MAN1A1: variants seen among roughly 807,000 people sequenced by gnomAD.
MAN1A1 encodes the protein mannosidase alpha class 1A member 1, also known as mannosyl-oligosaccharide 1,2-alpha-mannosidase IA.
Under a neutral mutation model 70.8 loss-of-function variants are expected in MAN1A1, and 29 were observed. The observed-to-expected ratio is 0.41, with a 90% CI of 0.31 to 0.56. The LOEUF is 0.56. MAN1A1 is among the 20% of genes least tolerant of loss of function. The probability of loss-of-function intolerance (pLI) is 0.29; values close to 1 mark genes in which losing one functional copy is unlikely to be tolerated. For missense variants in MAN1A1, 747 were observed against 841.3 expected (o/e 0.89, Z 1.39); for synonymous variants, 349 against 330.1 (o/e 1.06, Z -0.62).
chr6:119,285,740 T>C (rs570977798), intron 5 of MAN1A1, among the ~76,000 whole-genome samples: 1 of 152,300 alleles, frequency 6.6e-6, no homozygotes, highest in African/African-American at 2.4e-5. Flanking sequence ...TCAATTTTTA[T>C]AATTTAGTAT....
At chr6:119,290,246 C>A (rs900941984) in intron 5 of MAN1A1, among the ~76,000 whole-genome samples, 3 of 151,956 alleles carry the variant, frequency 2.0e-5, no homozygotes, top group African/African-American at 7.2e-5. Context: ...TGTCTCACCC[C>A]CTTAATTACA....
rs370790476 is a variant in MAN1A1 at position 119,282,573 on chromosome 6, A to C, written c.897+8110T>G. ...TTATAAACATAATAAGCAAAATTAC[A>C]ATTCTCTGTTTTACTGAATTAAACT... On this transcript the variant is annotated intron_variant, in intron 5 of 12. Transcript: ENST00000368468. Among the ~76,000 whole-genome samples the C allele has an allele frequency of 1.9e-3, 291 of 152,324 alleles. 3 individuals are homozygous for C. Among genetic ancestry groups the C allele is most frequent in the African/African-American group, 6.6e-3 (276 of 41,590 alleles).
chr6:119,336,931 A>G (rs923561292), intron 2 of MAN1A1, among the ~76,000 whole-genome samples: 6 of 152,134 alleles, frequency 3.9e-5, no homozygotes, highest in Admixed American at 3.3e-4. Context: ...TGAAGACTCT[A>G]CCTACTTTAA....
chr6:119,346,558 T>G (rs182647706), intron 2 of MAN1A1, among the ~76,000 whole-genome samples: 133 of 152,280 alleles, frequency 8.7e-4, no homozygotes, highest in African/African-American at 3.1e-3. Flanking sequence ...TAAATCTCGT[T>G]TACACGGTTA....
At chr6:119,308,157 G>A (rs1772583271) in intron 2 of MAN1A1, among the ~76,000 whole-genome samples, 1 of 152,238 alleles carries the variant, frequency 6.6e-6, no homozygotes, top group Middle Eastern at 3.4e-3. Context: ...TGAAGAAACT[G>A]AGGTTTGGAA....
At chr6:119,326,110 C>T (rs905195748) in intron 2 of MAN1A1, among the ~76,000 whole-genome samples, 2 of 152,130 alleles carry the variant, frequency 1.3e-5, no homozygotes, top group South Asian at 2.1e-4. Context: ...ACTCAGGGGC[C>T]GTAGATAGGT....
intron 5 of MAN1A1, among the ~76,000 whole-genome samples, chr6:119,278,977 TA>T (rs1776155852): frequency 1.7e-4 from 26 of 152,118 alleles, no homozygotes; most frequent in Admixed American, 4.6e-4. Context: ...CTCTCTTCTT[TA>T]TAAATTACCC....
chr6:119,239,121 G>T (rs1027377896), intron 6 of MAN1A1, among the ~76,000 whole-genome samples: 1 of 151,788 alleles, frequency 6.6e-6, no homozygotes, highest in Admixed American at 6.6e-5. Context: ...CTCGTGATCC[G>T]CCCGCCTCAG....
intron 2 of MAN1A1, among the ~76,000 whole-genome samples, chr6:119,343,861 G>A (rs1259127649): frequency 6.6e-6 from 1 of 152,178 alleles, no homozygotes; most frequent in Non-Finnish European, 1.5e-5. Flanking sequence ...ACTGGGTTAG[G>A]AGGTATAACC....
chr6:119,282,670 T>A (rs533732305), intron 5 of MAN1A1, among the ~76,000 whole-genome samples: 1 of 152,276 alleles, frequency 6.6e-6, no homozygotes, highest in East Asian at 1.9e-4. Flanking sequence ...TGCCAAATAG[T>A]AAATTAACAT....
rs1199056293 is a variant in MAN1A1, at chr6:119,177,810, C to T, written c.*2009G>A. 1 of 152,062 alleles carries T rather than the reference C, an allele frequency of 6.6e-6. No homozygotes were observed. The highest frequency in any genetic ancestry group is 1.5e-5 in the Non-Finnish European group (1 of 67,950). 9.4% of individuals were successfully genotyped at this position (152,062 alleles called of 1,614,324 possible). On this transcript the variant is annotated 3_prime_UTR_variant, in exon 13 of 13. Transcript: ENST00000368468. Reference sequence around the variant, plus strand: ...GGTACCTCATAGTGCAGTGTGTACACACAACCTGATTTTAATATTCTATCT... The same window carrying T: ...GGTACCTCATAGTGCAGTGTGTACATACAACCTGATTTTAATATTCTATCT...
At chr6:119,249,953 T>C (rs141144774) in intron 5 of MAN1A1, among the ~76,000 whole-genome samples, 10 of 152,268 alleles carry the variant, frequency 6.6e-5, no homozygotes, top group African/African-American at 2.4e-4. Context: ...TGTATACAAA[T>C]AAGGAAATAC....
intron 6 of MAN1A1, among the ~76,000 whole-genome samples, chr6:119,242,932 G>T (rs1268428247): frequency 6.6e-6 from 1 of 151,936 alleles, no homozygotes. Flanking sequence ...AATTAAAATA[G>T]ATAAAAGAGG....
chr6:119,265,102 A>AT (rs5879494), intron 5 of MAN1A1, among the ~76,000 whole-genome samples: 45,954 of 141,428 alleles, frequency 0.32, 7,589 homozygotes, highest in Non-Finnish European at 0.35. Flanking sequence ...CCTTTTTTAA[A>AT]TTTTTTTTTT....
intron 5 of MAN1A1, among the ~76,000 whole-genome samples, chr6:119,277,647 C>T (rs1324289475): frequency 6.6e-6 from 1 of 151,692 alleles, no homozygotes; most frequent in Non-Finnish European, 1.5e-5. Context: ...AATGGTGAGG[C>T]CTTATCTCTA....
rs146891638 is a variant in MAN1A1, at chr6:119,314,526, G to C, written c.604-7534C>G. Among the ~76,000 whole-genome samples, 17 of 152,260 alleles carry C rather than the reference G, an allele frequency of 1.1e-4. 1 individual carries two copies. The East Asian group carries it at 2.9e-3, about 26-fold the overall frequency. On this transcript the variant is annotated intron_variant, in intron 2 of 12. Transcript: ENST00000368468. ...ATCCCTGTTTTACATATGAAGCTGAGGCCCAAGGTAGTGTAGAGAAGAGCA... is the reference window on the plus strand; with the variant it reads ...ATCCCTGTTTTACATATGAAGCTGACGCCCAAGGTAGTGTAGAGAAGAGCA...
At chr6:119,272,163 T>G (rs987376094) in intron 5 of MAN1A1, among the ~76,000 whole-genome samples, 1 of 152,190 alleles carries the variant, frequency 6.6e-6, no homozygotes, top group Admixed American at 6.5e-5. Context: ...AAAAATAAAG[T>G]AAAATATTAC....
chr6:119,205,572 T>C (rs991926484), intron 6 of MAN1A1, among the ~76,000 whole-genome samples: 3 of 152,210 alleles, frequency 2.0e-5, no homozygotes, highest in African/African-American at 7.2e-5. Flanking sequence ...ATGGCCTTTC[T>C]TGGAGAAATG....
intron 5 of MAN1A1, among the ~76,000 whole-genome samples, chr6:119,282,455 C>G (rs1198409240): frequency 6.6e-6 from 1 of 152,128 alleles, no homozygotes; most frequent in Non-Finnish European, 1.5e-5. Context: ...TCTGTACACT[C>G]CTATATTCCT....
Sources: allele counts gnomAD v4.1 joint callset (sites outside exome capture counted in the v4.1 genomes callset), GRCh38; gene constraint gnomAD v4.1.1; transcripts MANE v1.5; gene names NCBI Gene and HGNC (gene_info 2026-07-23, HGNC 2026-07-21).